The following ATP9B variants were observed in gnomAD, a reference collection of about 807,000 sequenced individuals.
The protein encoded by ATP9B is probable phospholipid-transporting ATPase IIB.
In ATP9B, 110 loss-of-function variants were observed where a neutral mutation model predicts 146.1. The ratio of observed to expected loss-of-function variants is 0.75; its 90% confidence interval spans 0.65 to 0.88. The LOEUF is 0.88. Ranked by LOEUF, ATP9B falls within the 40% of genes least tolerant of loss-of-function variation. ATP9B has a pLI of 0.00. For missense variants in ATP9B, 1,499 were observed against 1,496.4 expected, an observed-to-expected ratio of 1.00 and a Z score of -0.03; for synonymous variants, 604 against 569.7, an observed-to-expected ratio of 1.06 and a Z score of -0.86.
chr18:79,217,040 C>T (rs183515707), intron 11 of ATP9B, among the ~76,000 whole-genome samples: 139 of 152,292 alleles, frequency 9.1e-4, no homozygotes, highest in African/African-American at 2.9e-3. Flanking sequence ...CGATGGCTCC[C>T]GGGGAGAAGA....
intron 6 of ATP9B, among the ~76,000 whole-genome samples, chr18:79,153,653 CTTT>C (rs10618228): frequency 1.4e-3 from 198 of 143,040 alleles, no homozygotes; most frequent in Middle Eastern, 3.6e-3. Context: ...AGACATAAAG[CTTT>C]TTTTTTTTTT....
intron 1 of ATP9B, among the ~76,000 whole-genome samples, chr18:79,078,986 T>C (rs147461549): frequency 6.6e-6 from 1 of 152,234 alleles, no homozygotes; most frequent in Non-Finnish European, 1.5e-5. Flanking sequence ...GCAAAGGACA[T>C]GAACTCATCC....
chr18:79,331,424 A>C (rs2096789506), intron 17 of ATP9B, among the ~76,000 whole-genome samples: 1 of 152,258 alleles, frequency 6.6e-6, no homozygotes, highest in Admixed American at 6.5e-5. Flanking sequence ...TTATGAGGCC[A>C]AATCAATAAA....
intron 15 of ATP9B, among the ~76,000 whole-genome samples, chr18:79,318,579 A>C (rs1462662724): frequency 6.6e-6 from 1 of 152,250 alleles, no homozygotes; most frequent in African/African-American, 2.4e-5. Flanking sequence ...GGACAAGACA[A>C]GGACTTGAGG....
At chr18:79,255,994 T>C (rs370661988) in intron 12 of ATP9B, among the ~76,000 whole-genome samples, 14 of 152,274 alleles carry the variant, frequency 9.2e-5, no homozygotes, top group African/African-American at 3.1e-4. Context: ...TAGCATGTTG[T>C]TTTCGTTACC....
chr18:79,186,488 C>G (rs998255106), intron 8 of ATP9B, among the ~76,000 whole-genome samples: 5 of 151,658 alleles, frequency 3.3e-5, no homozygotes, highest in Admixed American at 1.3e-4. Context: ...AGCTTGCCAG[C>G]CTGTTTTTTA....
chr18:79,181,721 C>G (rs1377284331), intron 8 of ATP9B, among the ~76,000 whole-genome samples: 1 of 152,006 alleles, frequency 6.6e-6, no homozygotes, highest in Non-Finnish European at 1.5e-5. Flanking sequence ...TTTTGTTATT[C>G]TGAGTGTTGT....
chr18:79,263,920 T>A (rs1038775759), intron 12 of ATP9B, among the ~76,000 whole-genome samples: 14 of 151,992 alleles, frequency 9.2e-5, no homozygotes, highest in African/African-American at 3.1e-4. Context: ...CTGTCTCTAC[T>A]AAAAAATACA....
At chr18:79,264,876 T>G (rs2096185858) in intron 12 of ATP9B, among the ~76,000 whole-genome samples, 1 of 152,212 alleles carries the variant, frequency 6.6e-6, no homozygotes, top group South Asian at 2.1e-4. Flanking sequence ...TCTCGCCAAA[T>G]AACAAACTGT....
Position 79,154,487 on chromosome 18 carries a change from T to C in ATP9B, c.727-17T>C, listed in dbSNP as rs758195857. On this transcript the variant is annotated splice_polypyrimidine_tract_variant and intron_variant, in intron 6 of 29. Coordinates refer to ENST00000426216, the MANE Select transcript of ATP9B (RefSeq NM_198531.5). ...ACCTGCATATAGATAATTAATCTTT[T>C]ATAATGCTCTTTGCAGAATCAAAGA... The C allele has an allele frequency of 1.3e-6, 2 of 1,526,176 alleles. No individual in the cohort carries two copies. Among genetic ancestry groups the C allele is most frequent in the Admixed American group, 4.7e-5 (2 of 42,106 alleles). The allele number at this position is 1,526,176 out of a possible 1,614,324, so 94.5% of individuals were successfully genotyped here. A position where few individuals can be genotyped will look rare whatever the true frequency, so the allele number is the denominator to read the frequency against.
chr18:79,069,424 T>A lies in ATP9B; in HGVS notation c.14T>A (p.Ile5Asn), dbSNP rs376573401. 3 of 1,518,028 alleles carry A rather than the reference T, an allele frequency of 2.0e-6. No individual in the cohort carries two copies. The highest frequency in any genetic ancestry group is 2.6e-6 in the Non-Finnish European group (3 of 1,136,288). The allele number at this position is 1,518,028 out of a possible 1,614,324, so 94.0% of individuals were successfully genotyped here. Residue 5 changes from isoleucine to asparagine, a missense_variant, in exon 1 of 30, where the codon ATC becomes AAC. Physicochemically the swap from Ile to Asn is moderately radical, Grantham distance 149. Coordinates refer to ENST00000426216, the MANE Select transcript of ATP9B (RefSeq NM_198531.5). The stretch of plus-strand genomic sequence containing the variant: ...GGCGGTCGGAACATGGCGGACCAGA[T>A]CCCGCTTTACCCGGTGCGTAGCGCA... MADQIPLYPVRSAAA... is the reference protein window; with the variant it reads MADQNPLYPVRSAAA...
Position 79,300,494 on chromosome 18 carries a change from G to T in ATP9B, c.1412-3110G>T, listed in dbSNP as rs1333083190. 2.4e-4 allele frequency among the ~76,000 whole-genome samples: 36 copies of T among 152,174 alleles called. 1 individual carries two copies. The highest frequency in any genetic ancestry group is 2.4e-3 in the Admixed American group (36 of 15,290). On this transcript the variant is annotated intron_variant, in intron 13 of 29. Coordinates refer to ENST00000426216, the MANE Select transcript of ATP9B (RefSeq NM_198531.5). ...AGCAGGTGCTGAGGGACAGGGAGGT[G>T]CAGGCTGTTGAGGGAGAGGCGAGGC... is the stretch of plus-strand genomic sequence containing the variant.
intron 4 of ATP9B, among the ~76,000 whole-genome samples, chr18:79,125,858 T>C (rs2094277045): frequency 6.6e-6 from 1 of 152,220 alleles, no homozygotes; most frequent in Admixed American, 6.5e-5. Flanking sequence ...TCCTAAATAC[T>C]TTTATTCTGT....
chr18:79,337,470 C>T (rs758925645), intron 19 of ATP9B, 21 bp downstream of exon 19: 3 of 1,596,282 alleles, frequency 1.9e-6, no homozygotes, highest in African/African-American at 2.7e-5. Flanking sequence ...CTCACCTCTG[C>T]TGGCGCGCGC....
intron 1 of ATP9B, among the ~76,000 whole-genome samples, chr18:79,093,718 G>C (rs1249983199): frequency 6.6e-6 from 1 of 152,032 alleles, no homozygotes; most frequent in East Asian, 1.9e-4. Context: ...GCATGGGTGC[G>C]TGTGCACACA....
At chr18:79,130,550 G>A (rs996574634) in intron 5 of ATP9B, among the ~76,000 whole-genome samples, 11 of 151,828 alleles carry the variant, frequency 7.2e-5, no homozygotes, top group Admixed American at 3.9e-4. Context: ...AAGGAATAAT[G>A]GCCAAAAACT....
At position 79,097,993 on chromosome 18, in the gene ATP9B, A is replaced by G. The variant is rs1352171737; in HGVS notation, c.293+1344A>G. Among the ~76,000 whole-genome samples the G allele has an allele frequency of 3.9e-5, 6 of 152,190 alleles. No homozygotes were observed. In the East Asian group the frequency reaches 7.7e-4, roughly 20 times the overall value. ...GTTGAACTAGTTTACAGTCCCACCA[A>G]CAAGGCTACAGTAACCAAAACAGCA... On this transcript the variant is annotated intron_variant, in intron 2 of 29. Transcript: ENST00000426216.
intron 4 of ATP9B, among the ~76,000 whole-genome samples, chr18:79,121,006 A>G (rs2094178636): frequency 6.6e-6 from 1 of 152,190 alleles, no homozygotes; most frequent in African/African-American, 2.4e-5. Flanking sequence ...GGCCTTGGTA[A>G]GGTTACTTAC....
At chr18:79,360,397 C>T (rs1050315069) in intron 26 of ATP9B, 1 of 151,938 alleles carries the variant, frequency 6.6e-6, no homozygotes, top group Non-Finnish European at 1.5e-5. Context: ...CTAATGACTA[C>T]CTAGCAAACA....
Sources: gnomAD v4.1 joint callset for allele counts (sites outside exome capture counted in the v4.1 genomes callset) on GRCh38, gnomAD v4.1.1 for gene constraint, MANE v1.5 for transcripts, NCBI Gene and HGNC (gene_info 2026-07-23, HGNC 2026-07-21) for gene names.